The following PCDHA5 variants were observed in gnomAD, a reference collection of about 807,000 sequenced individuals.
PCDHA5 encodes protocadherin alpha-5.
A neutral mutation model predicts 61.6 loss-of-function variants in PCDHA5; 43 were observed. That is an observed-to-expected ratio of 0.70 (90% CI 0.55 to 0.90). The LOEUF is 0.90. Among genes scored for constraint, PCDHA5 ranks in the 40% least tolerant of loss-of-function variants. The probability of loss-of-function intolerance (pLI) is 0.00; values close to 1 mark genes in which losing one functional copy is unlikely to be tolerated. For synonymous variants in PCDHA5, 627 were observed against 543.9 expected, an observed-to-expected ratio of 1.15 and a Z score of -2.13; for missense variants, 1,298 against 1,222.7, an observed-to-expected ratio of 1.06 and a Z score of -0.92.
intron 1 of PCDHA5, among the ~76,000 whole-genome samples, chr5:140,958,419 A>G (rs1275772647): frequency 6.6e-6 from 1 of 152,196 alleles, no homozygotes; most frequent in Non-Finnish European, 1.5e-5. Flanking sequence ...GCTTGGAAAG[A>G]AGCACTTTTT....
chr5:140,829,810 T>A, intron 1 of PCDHA5: 1 of 1,613,866 alleles, frequency 6.2e-7, no homozygotes, highest in Non-Finnish European at 8.5e-7. Flanking sequence ...TGGGTGGTAC[T>A]GGTGGTGCAG....
chr5:141,004,888 G>A lies in PCDHA5; in HGVS notation c.2501-4739G>A, dbSNP rs555046086. ...TTTCTCATCCCTAAAGTGCTATTGT[G>A]TCAGCTCTGCCAGGGTGTAAGGAAA... On this transcript the variant is annotated intron_variant, in intron 3 of 3. Transcript: ENST00000529859. Among the ~76,000 whole-genome samples the A allele has an allele frequency of 2.0e-5, 3 of 152,250 alleles. No individual in the cohort carries two copies. The East Asian group carries it at 5.8e-4, about 29-fold the overall frequency.
intron 1 of PCDHA5, chr5:140,850,379 G>A: frequency 1.3e-6 from 2 of 1,597,906 alleles, no homozygotes; most frequent in Non-Finnish European, 1.7e-6. Flanking sequence ...GGCTGTACAC[G>A]GGCGAGATCA....
intron 1 of PCDHA5, chr5:140,867,194 C>T (rs185502341): frequency 1.6e-3 from 248 of 152,260 alleles, no homozygotes; most frequent in African/African-American, 5.7e-3. Context: ...CAAGACTCCA[C>T]ATTCCATGTA....
intron 1 of PCDHA5, among the ~76,000 whole-genome samples, chr5:140,973,451 G>A (rs1317548382): frequency 2.0e-5 from 3 of 152,172 alleles, no homozygotes; most frequent in African/African-American, 7.2e-5. Context: ...TATAATGACT[G>A]GGGCTGTTTT....
chr5:140,964,812 T>C (rs2095855698), intron 1 of PCDHA5, among the ~76,000 whole-genome samples: 1 of 151,914 alleles, frequency 6.6e-6, no homozygotes, highest in Non-Finnish European at 1.5e-5. Flanking sequence ...GAGACAGGAA[T>C]AGATTTTGAT....
chr5:140,832,500 G>T (rs1772022478), intron 1 of PCDHA5, among the ~76,000 whole-genome samples: 1 of 152,184 alleles, frequency 6.6e-6, no homozygotes, highest in Non-Finnish European at 1.5e-5. Flanking sequence ...AAGAGTGGCA[G>T]AATTGTCTCT....
intron 3 of PCDHA5, among the ~76,000 whole-genome samples, chr5:140,994,545 A>T (rs1397619431): frequency 2.6e-5 from 4 of 152,074 alleles, no homozygotes; most frequent in African/African-American, 9.7e-5. Flanking sequence ...TCTACAAAAA[A>T]AATATAAAAA....
At chr5:140,947,854 A>G (rs2094183959) in intron 1 of PCDHA5, among the ~76,000 whole-genome samples, 1 of 151,504 alleles carries the variant, frequency 6.6e-6, no homozygotes, top group Non-Finnish European at 1.5e-5. Context: ...TTATTTTGTC[A>G]TTATAATGGC....
At chr5:140,868,942 C>A (rs1238492263) in intron 1 of PCDHA5, 2 of 1,255,934 alleles carry the variant, frequency 1.6e-6, no homozygotes, top group South Asian at 1.6e-5. Flanking sequence ...TTGGTCTGAA[C>A]AGTGAGGCAC....
intron 1 of PCDHA5, chr5:140,850,131 G>A (rs2150469102): frequency 2.5e-6 from 4 of 1,595,702 alleles, no homozygotes; most frequent in Admixed American, 1.7e-5. Context: ...GCCGCCTCTG[G>A]GCAGCAACGT....
rs1781486578 is a variant in PCDHA5, at chr5:140,848,384, T to G, written c.2352+24257T>G. Reference sequence around the variant, plus strand: ...GGAAAGAGGCTCAATTCTTTTTCACTCTCTCTGTGCTGAACGATGGCGAAC... The same window carrying G: ...GGAAAGAGGCTCAATTCTTTTTCACGCTCTCTGTGCTGAACGATGGCGAAC... On this transcript the variant is annotated intron_variant, in intron 1 of 3. Transcript: ENST00000529859. 4 of 1,203,868 alleles carry G rather than the reference T, an allele frequency of 3.3e-6. No homozygotes were observed. In the East Asian group the frequency reaches 9.3e-5, roughly 28 times the overall value. The allele number at this position is 1,203,868 out of a possible 1,614,324, so 74.6% of individuals were successfully genotyped here. A position where few individuals can be genotyped will look rare whatever the true frequency, so the allele number is the denominator to read the frequency against.
At chr5:140,896,706 T>C (rs188797791) in intron 1 of PCDHA5, among the ~76,000 whole-genome samples, 169 of 152,248 alleles carry the variant, frequency 1.1e-3, no homozygotes, top group East Asian at 5.2e-3. Context: ...AGGTTGTTTG[T>C]TTTTTGCTTG....
intron 3 of PCDHA5, among the ~76,000 whole-genome samples, chr5:140,983,513 CTG>C (rs1165213074): frequency 6.6e-6 from 1 of 152,196 alleles, no homozygotes; most frequent in Non-Finnish European, 1.5e-5. Context: ...TGCCTAGACA[CTG>C]TGCCAAGTAC....
At chr5:140,842,733 G>T in intron 1 of PCDHA5, 1 of 1,595,054 alleles carries the variant, frequency 6.3e-7, no homozygotes, top group Middle Eastern at 1.8e-4. Context: ...AACCCGCCGG[G>T]CTGCCACATC....
At chr5:140,836,137 T>C (rs1774231095) in intron 1 of PCDHA5, 1 of 1,613,594 alleles carries the variant, frequency 6.2e-7, no homozygotes, top group South Asian at 1.1e-5. Context: ...CCGCGGTCTG[T>C]GGGCGCGGGC....
chr5:140,841,315 A>G, intron 1 of PCDHA5: 2 of 1,599,632 alleles, frequency 1.3e-6, no homozygotes, highest in South Asian at 1.1e-5. Flanking sequence ...GGAAACGACT[A>G]TTTAACATGG....
intron 1 of PCDHA5, among the ~76,000 whole-genome samples, chr5:140,907,596 G>A (rs1554193068): frequency 2.0e-5 from 3 of 152,214 alleles, no homozygotes; most frequent in African/African-American, 7.2e-5. Flanking sequence ...ATCACCCTGA[G>A]GAATGGTGCC....
intron 1 of PCDHA5, among the ~76,000 whole-genome samples, chr5:140,921,467 A>G (rs1287124986): frequency 1.3e-5 from 2 of 152,204 alleles, no homozygotes; most frequent in East Asian, 1.9e-4. Flanking sequence ...TGCAACCACT[A>G]CCAAACCACT....
Sources: allele counts gnomAD v4.1 joint callset (sites outside exome capture counted in the v4.1 genomes callset), GRCh38; gene constraint gnomAD v4.1.1; transcripts MANE v1.5; gene names NCBI Gene and HGNC (gene_info 2026-07-23, HGNC 2026-07-21).